DGKB: variants seen among roughly 807,000 people sequenced by gnomAD.
DGKB encodes the protein diacylglycerol kinase beta.
DGKB carries 67 observed loss-of-function variants against 114.3 expected under a neutral mutation model. The observed-to-expected ratio is 0.59, with a 90% CI of 0.48 to 0.72. The LOEUF is 0.72. Ranked by LOEUF, DGKB falls within the 30% of genes least tolerant of loss-of-function variation. The pLI is 0.00. For missense variants in DGKB, 907 were observed against 975.2 expected (o/e 0.93, Z 0.93); for synonymous variants, 398 against 323.1 (o/e 1.23, Z -2.49).
chr7:14,963,894 T>C (rs1787005525), intron 1 of DGKB, among the ~76,000 whole-genome samples: 1 of 152,126 alleles, frequency 6.6e-6, no homozygotes, highest in African/African-American at 2.4e-5. Flanking sequence ...CAGATCTTGC[T>C]CTGTAGCTGC....
intron 25 of DGKB, among the ~76,000 whole-genome samples, chr7:14,160,769 T>G (rs1783760515): frequency 6.6e-6 from 1 of 152,154 alleles, no homozygotes; most frequent in Admixed American, 6.5e-5. Flanking sequence ...AAAAAACTAC[T>G]TTAAATTTCA....
chr7:14,527,552 A>G (rs1790842106), intron 20 of DGKB, among the ~76,000 whole-genome samples: 2 of 152,126 alleles, frequency 1.3e-5, no homozygotes, highest in South Asian at 4.1e-4. Context: ...ATGGATTTCA[A>G]CTGAAAATAT....
intron 23 of DGKB, among the ~76,000 whole-genome samples, chr7:14,181,850 G>T (rs1358898020): frequency 1.3e-5 from 2 of 152,252 alleles, no homozygotes; most frequent in East Asian, 3.9e-4. Flanking sequence ...ATACCTCCAT[G>T]GGAGTAAACA....
intron 23 of DGKB, among the ~76,000 whole-genome samples, chr7:14,231,327 A>C (rs7789996): frequency 0.69 from 104,261 of 151,532 alleles, 37,554 homozygotes; most frequent in African/African-American, 0.92. Context: ...TTGTAGAGAC[A>C]AGGTCTTACT....
chr7:14,500,625 T>C (rs1786015907), intron 20 of DGKB, among the ~76,000 whole-genome samples: 1 of 151,782 alleles, frequency 6.6e-6, no homozygotes, highest in South Asian at 2.1e-4. Flanking sequence ...AAAAAGTAAA[T>C]AATACCTACA....
chr7:14,723,472 A>C (rs1829541522), intron 5 of DGKB, among the ~76,000 whole-genome samples: 1 of 152,190 alleles, frequency 6.6e-6, no homozygotes, highest in Non-Finnish European at 1.5e-5. Flanking sequence ...TTGACACTTA[A>C]AGTAGTATAA....
At chr7:14,900,820 T>G (rs1782910170) in intron 1 of DGKB, among the ~76,000 whole-genome samples, 1 of 152,196 alleles carries the variant, frequency 6.6e-6, no homozygotes, top group Non-Finnish European at 1.5e-5. Flanking sequence ...TAAAAAAATT[T>G]TGTCAAATTT....
intron 17 of DGKB, among the ~76,000 whole-genome samples, chr7:14,605,318 T>C (rs1411878968): frequency 2.7e-5 from 4 of 150,098 alleles, no homozygotes; most frequent in Non-Finnish European, 5.9e-5. Flanking sequence ...TTCTGTTACG[T>C]AAAAAACTAT....
At chr7:14,731,160 C>G (rs945058651) in intron 5 of DGKB, among the ~76,000 whole-genome samples, 12 of 152,080 alleles carry the variant, frequency 7.9e-5, no homozygotes, top group Admixed American at 7.9e-4. Context: ...TGGATAGATT[C>G]TTGGATGCTA....
In DGKB at chr7:14,492,280, T is replaced by C. The variant is rs559168589; in HGVS notation, c.1771-14055A>G. On this transcript the variant is annotated intron_variant, in intron 20 of 25. Coordinates refer to ENST00000402815, the MANE Select transcript of DGKB (RefSeq NM_001350709.2). ...GGAACAATAATGTGAACAGGTTTTA[T>C]GTACTGCAGAAGGATCAAATCTTGT... 7.9e-5 allele frequency among the ~76,000 whole-genome samples: 12 copies of C among 152,144 alleles called. No individual in the cohort carries two copies. In the East Asian group the frequency reaches 2.3e-3, roughly 29 times the overall value.
chr7:14,615,204 A>G (rs1806290514), intron 15 of DGKB, among the ~76,000 whole-genome samples: 1 of 152,010 alleles, frequency 6.6e-6, no homozygotes. Context: ...CAAAGTAAAC[A>G]GATTTTTAAG....
In DGKB at chr7:14,151,831, T is replaced by C. The variant is rs574821685; in HGVS notation, c.2305-2593A>G. Among the ~76,000 whole-genome samples the C allele has an allele frequency of 2.6e-4, 40 of 152,246 alleles. 1 individual carries two copies. The highest frequency in any genetic ancestry group is 7.5e-4 in the African/African-American group (31 of 41,570). ...GAAACTAGCATTCAGTAAATGCCTA[T>C]TATGAATGCTGTCTCTTCACATGCC... On this transcript the variant is annotated intron_variant, in intron 25 of 25. Transcript: ENST00000402815.
chr7:14,507,313 A>T (rs1787246394), intron 20 of DGKB, among the ~76,000 whole-genome samples: 1 of 152,152 alleles, frequency 6.6e-6, no homozygotes, highest in Admixed American at 6.5e-5. Flanking sequence ...TAAAATTAGT[A>T]TTTAGATTCT....
At chr7:14,597,388 G>A (rs1008251462) in intron 17 of DGKB, among the ~76,000 whole-genome samples, 2 of 152,084 alleles carry the variant, frequency 1.3e-5, no homozygotes, top group African/African-American at 4.8e-5. Flanking sequence ...GTACATAATT[G>A]AAGATTAGTA....
chr7:14,932,181 G>T (rs1785054266), intron 1 of DGKB, among the ~76,000 whole-genome samples: 1 of 152,294 alleles, frequency 6.6e-6, no homozygotes, highest in Admixed American at 6.5e-5. Flanking sequence ...CATGTGGGAA[G>T]ATGGGCTGCA....
At chr7:14,901,809 G>A (rs1783123533) in intron 1 of DGKB, among the ~76,000 whole-genome samples, 2 of 152,126 alleles carry the variant, frequency 1.3e-5, no homozygotes, top group Non-Finnish European at 2.9e-5. Flanking sequence ...TTTTAAAAGA[G>A]TTGGTTATCT....
chr7:14,924,673 A>G (rs1784667808), intron 1 of DGKB, among the ~76,000 whole-genome samples: 1 of 152,042 alleles, frequency 6.6e-6, no homozygotes, highest in Admixed American at 6.6e-5. Flanking sequence ...TTTTATTTCT[A>G]GATTGTTTTG....
chr7:14,708,559 A>C (rs2128327276), intron 6 of DGKB, among the ~76,000 whole-genome samples: 1 of 151,640 alleles, frequency 6.6e-6, no homozygotes, highest in East Asian at 1.9e-4. Context: ...ACCTGACTTC[A>C]AACTATACTA....
intron 20 of DGKB, among the ~76,000 whole-genome samples, chr7:14,491,102 G>A (rs931969244): frequency 6.6e-6 from 1 of 151,966 alleles, no homozygotes; most frequent in African/African-American, 2.4e-5. Context: ...GACTCATGGT[G>A]CTACTTCCAT....
Sources: gnomAD v4.1 joint callset for allele counts (sites outside exome capture counted in the v4.1 genomes callset) on GRCh38, gnomAD v4.1.1 for gene constraint, MANE v1.5 for transcripts, NCBI Gene and HGNC (gene_info 2026-07-23, HGNC 2026-07-21) for gene names.